GZMH: variants seen among roughly 807,000 people sequenced by gnomAD.
The protein encoded by GZMH is cathepsin G-like 2, protein h-CCPX.
In GZMH, 24 loss-of-function variants were observed where a neutral mutation model predicts 20.7. The observed-to-expected ratio is 1.16, with a 90% CI of 0.84 to 1.63. The LOEUF (loss-of-function observed/expected upper bound fraction) is 1.63, where lower values mean the gene tolerates loss of function less well. Ranked by LOEUF, GZMH falls within the 40% of genes most tolerant of loss-of-function variation. The pLI is 0.00. For synonymous variants in GZMH, 119 were observed against 116.1 expected (o/e 1.02, Z -0.16); for missense variants, 344 against 302.7 (o/e 1.14, Z -1.01).
At chr14:24,607,586 G>T (rs759012225) in intron 3 of GZMH, 26 bp downstream of exon 3, 2 of 1,611,848 alleles carry the variant, frequency 1.2e-6, no homozygotes, top group Non-Finnish European at 1.7e-6. Flanking sequence ...ACCAAGAAGA[G>T]CAAGAGTGGC....
At chr14:24,607,575 G>C (rs1285557471) in intron 3 of GZMH, 37 bp downstream of exon 3, 1 of 1,612,092 alleles carries the variant, frequency 6.2e-7, no homozygotes. Flanking sequence ...GAACCAACTG[G>C]ACCAAGAAGA....
Position 24,606,530 on chromosome 14 carries a change from C to T in GZMH, c.*73G>A. The T allele has an allele frequency of 1.4e-6, 2 of 1,429,358 alleles. No individual in the cohort carries two copies. The highest frequency in any genetic ancestry group is 2.3e-5 in the East Asian group (1 of 43,826). 88.5% of individuals were successfully genotyped at this position (1,429,358 alleles called of 1,614,324 possible). The stretch of plus-strand genomic sequence containing the variant: ...ATTACAGTCCTGCAACCCCGACTGC[C>T]CACCCCTTGGGGATTCTTGCCTCTG... On this transcript the variant is annotated 3_prime_UTR_variant, in exon 5 of 5. Coordinates refer to ENST00000216338, the MANE Select transcript of GZMH (RefSeq NM_033423.5).
intron 1 of GZMH, among the ~76,000 whole-genome samples, chr14:24,609,055 C>T (rs540640295): frequency 8.5e-5 from 13 of 152,310 alleles, no homozygotes; most frequent in African/African-American, 2.9e-4. Context: ...AAAAATGAAT[C>T]GCAAAGCCCA....
Position 24,608,250 on chromosome 14 carries a change from G to T in GZMH, c.203+15C>A. On this transcript the variant is annotated intron_variant, in intron 2 of 4. Coordinates refer to ENST00000216338, the MANE Select transcript of GZMH (RefSeq NM_033423.5). Reference sequence around the variant, plus strand: ...GTAGGGGGAACTCAGGAGGTGAGCTGGTGCTGCTCCTTACCTTCCCTGGCA... The same window carrying T: ...GTAGGGGGAACTCAGGAGGTGAGCTTGTGCTGCTCCTTACCTTCCCTGGCA... The T allele has an allele frequency of 1.2e-6, 2 of 1,613,934 alleles. No individual in the cohort carries two copies. Among genetic ancestry groups the T allele is most frequent in the Non-Finnish European group, 8.5e-7 (1 of 1,179,840 alleles).
At position 24,606,573 on chromosome 14, in the gene GZMH, C is replaced by T. The variant is rs372416422; in HGVS notation, c.*30G>A. The T allele has an allele frequency of 6.2e-7, 1 of 1,603,956 alleles. No individual in the cohort carries two copies. The highest frequency in any genetic ancestry group is 2.2e-5 in the East Asian group (1 of 44,844). ...TGCCTCTGTCCCAGAGATGGTCAGG[C>T]CCAGAGGAAGGTTAGTCTCATGCCT... On this transcript the variant is annotated 3_prime_UTR_variant, in exon 5 of 5. Transcript: ENST00000216338.
At chr14:24,608,544 T>A in intron 1 of GZMH, 132 bp from the exon 2 acceptor site, 2 of 915,934 alleles carry the variant, frequency 2.2e-6, no homozygotes, top group Non-Finnish European at 3.4e-6. Flanking sequence ...TCCTGAGCTC[T>A]GCAGGCAGTA....
In GZMH at chr14:24,607,231, C is replaced by T. The variant is rs1377876601; in HGVS notation, c.515G>A (p.Cys172Tyr). 1.9e-6 allele frequency: 3 copies of T among 1,614,162 alleles called. No individual in the cohort carries two copies. The highest frequency in any genetic ancestry group is 2.2e-5 in the South Asian group (2 of 91,086). ...VLLTVQKDCQ[C>Y]ERLFHGNYSR... ...GTAATTGCCATGGAAGAGACGTTCA[C>T]ACTGGCAGTCCTTCTGCACTGTCAG... Residue 172 changes from cysteine (C) to tyrosine (Y), a missense_variant, in exon 4 of 5, where the codon TGT (cysteine) becomes TAT (tyrosine). By Grantham distance (194) the Cys-to-Tyr change is radical. Coordinates refer to ENST00000216338, the MANE Select transcript of GZMH (RefSeq NM_033423.5).
rs376608143 is a variant in GZMH, at chr14:24,608,248, C to A, written c.203+17G>T. The A allele has an allele frequency of 1.1e-5, 18 of 1,613,900 alleles. No homozygotes were observed. Among genetic ancestry groups the A allele is most frequent in the Non-Finnish European group, 1.5e-5 (18 of 1,179,834 alleles). On this transcript the variant is annotated intron_variant, in intron 2 of 4. Transcript: ENST00000216338. ...CTGTAGGGGGAACTCAGGAGGTGAG[C>A]TGGTGCTGCTCCTTACCTTCCCTGG...
Position 24,609,634 on chromosome 14 carries a change from G to T in GZMH, c.-21C>A, listed in dbSNP as rs754807674. Reference sequence around the variant, plus strand: ...TGCATTTTCTCAGGAAGGCTGCCCAGGTCAGAGCTGTTGGTGTTGACTCCT... The same window carrying T: ...TGCATTTTCTCAGGAAGGCTGCCCATGTCAGAGCTGTTGGTGTTGACTCCT... On this transcript the variant is annotated 5_prime_UTR_variant, in exon 1 of 5. It adds an upstream start codon to the 5' untranslated region. Transcript: ENST00000216338. 1 of 1,600,940 alleles carries T rather than the reference G, an allele frequency of 6.2e-7. No individual in the cohort carries two copies. The highest frequency in any genetic ancestry group is 2.2e-5 in the East Asian group (1 of 44,604).
rs978415860 is a variant in GZMH, at chr14:24,607,845, A to G, written c.204-98T>C. Reference sequence around the variant, plus strand: ...GACAGCTGTGGCAGGGTAGGGCTGCAGCTGAGGGGAAGTTGAAGGGACAGG... The same window carrying G: ...GACAGCTGTGGCAGGGTAGGGCTGCGGCTGAGGGGAAGTTGAAGGGACAGG... On this transcript the variant is annotated intron_variant, in intron 2 of 4. Transcript: ENST00000216338. 14 of 1,572,638 alleles carry G rather than the reference A, an allele frequency of 8.9e-6. No homozygotes were observed. The Admixed American group carries it at 1.7e-4, about 19-fold the overall frequency.
intron 2 of GZMH, 55 bp from the exon 3 acceptor site, chr14:24,607,802 G>T: frequency 6.2e-7 from 1 of 1,611,090 alleles, no homozygotes; most frequent in Non-Finnish European, 8.5e-7. Flanking sequence ...TAGAGCCCAG[G>T]AGCAGTGAAG....
Position 24,606,539 on chromosome 14 carries a change from G to T in GZMH, c.*64C>A. 1 of 1,505,616 alleles carries T rather than the reference G, an allele frequency of 6.6e-7. No individual in the cohort carries two copies. Among genetic ancestry groups the T allele is most frequent in the Non-Finnish European group, 9.0e-7 (1 of 1,105,754 alleles). The allele number at this position is 1,505,616 out of a possible 1,614,324, so 93.3% of individuals were successfully genotyped here. Reference sequence around the variant, plus strand: ...CTGCAACCCCGACTGCCCACCCCTTGGGGATTCTTGCCTCTGTCCCAGAGA... The same window carrying T: ...CTGCAACCCCGACTGCCCACCCCTTTGGGATTCTTGCCTCTGTCCCAGAGA... On this transcript the variant is annotated 3_prime_UTR_variant, in exon 5 of 5. Transcript: ENST00000216338.
chr14:24,607,806 A>G, intron 2 of GZMH, 59 bp from the exon 3 acceptor site: 1 of 1,612,028 alleles, frequency 6.2e-7, no homozygotes, highest in Non-Finnish European at 8.5e-7. Flanking sequence ...GCCCAGGAGC[A>G]GTGAAGAGCA....
intron 4 of GZMH, 111 bp from the exon 5 acceptor site, chr14:24,606,857 A>C: frequency 1.0e-6 from 1 of 984,084 alleles, no homozygotes; most frequent in Non-Finnish European, 1.5e-6. Context: ...CACCTCCCTC[A>C]GTCCTGGGTC....
At position 24,607,376 on chromosome 14, in the gene GZMH, C is replaced by G. The variant is rs367553193; in HGVS notation, c.370G>C (p.Val124Leu). The stretch of plus-strand genomic sequence containing the variant: ...CTGCTAGGTAGCCTGAGAGGCCGCA[C>G]AGCTGTGGTCCACTTGGCCTTTCTC... Reference protein sequence around the residue: ...LERKAKWTTAVRPLRLPSSKA... With the variant: ...LERKAKWTTALRPLRLPSSKA... Residue 124 changes from valine to leucine, a missense_variant, in exon 4 of 5, where the codon GTG (valine) becomes CTG (leucine). By Grantham distance (32) the Val-to-Leu change is conservative. Transcript: ENST00000216338. The G allele has an allele frequency of 6.2e-7, 1 of 1,603,746 alleles. No homozygotes were observed.
At chr14:24,608,708 G>T (rs949095502) in intron 1 of GZMH, among the ~76,000 whole-genome samples, 4 of 152,212 alleles carry the variant, frequency 2.6e-5, no homozygotes, top group Non-Finnish European at 4.4e-5. Flanking sequence ...AGAGGATCCT[G>T]GACAGGACTT....
At chr14:24,609,492 A>G in intron 1 of GZMH, 67 bp downstream of exon 1, 2 of 1,018,578 alleles carry the variant, frequency 2.0e-6, no homozygotes, top group Non-Finnish European at 1.4e-6. Context: ...ATTCCTGACC[A>G]GTGCTCATGG....
At chr14:24,606,777 G>A in intron 4 of GZMH, 31 bp from the exon 5 acceptor site, 2 of 1,604,188 alleles carry the variant, frequency 1.2e-6, no homozygotes, top group Non-Finnish European at 1.7e-6. Context: ...GACTGAGCTA[G>A]TGTTCCCTGG....
intron 2 of GZMH, among the ~76,000 whole-genome samples, 190 bp from the exon 3 acceptor site, chr14:24,607,937 G>T (rs568487691): frequency 6.6e-5 from 10 of 152,030 alleles, no homozygotes; most frequent in African/African-American, 2.4e-4. Context: ...GCTTCTGGGG[G>T]CTCTCTCTTG....
Sources: allele counts gnomAD v4.1 joint callset (sites outside exome capture counted in the v4.1 genomes callset), GRCh38; gene constraint gnomAD v4.1.1; transcripts MANE v1.5; gene names NCBI Gene and HGNC (gene_info 2026-07-23, HGNC 2026-07-21).